The following PDS5B variants were observed in gnomAD, a reference collection of about 807,000 sequenced individuals.
PDS5B encodes PDS5 cohesin associated factor B.
Under a neutral mutation model 184.1 loss-of-function variants are expected in PDS5B, and 51 were observed. That is an observed-to-expected ratio of 0.28 (90% CI 0.22 to 0.35). PDS5B has a LOEUF of 0.35. Ranked by LOEUF, PDS5B falls within the 10% of genes least tolerant of loss-of-function variation. PDS5B has a pLI of 1.00. For missense variants in PDS5B, 1,180 were observed against 1,723.3 expected, an observed-to-expected ratio of 0.68 and a Z score of 5.58; for synonymous variants, 566 against 569.2, an observed-to-expected ratio of 0.99 and a Z score of 0.08.
At chr13:32,749,319 CTTTTA>C (rs770533165) in intron 24 of PDS5B, among the ~76,000 whole-genome samples, 7 of 152,158 alleles carry the variant, frequency 4.6e-5, no homozygotes, top group African/African-American at 9.7e-5. Context: ...TGCTCTGAGT[CTTTTA>C]TTTTATCTGC....
chr13:32,625,308 C>T (rs1593280834), intron 1 of PDS5B, among the ~76,000 whole-genome samples: 1 of 152,074 alleles, frequency 6.6e-6, no homozygotes, highest in African/African-American at 2.4e-5. Flanking sequence ...AACTCCTGGG[C>T]TCAAATGATC....
intron 19 of PDS5B, among the ~76,000 whole-genome samples, chr13:32,723,116 A>G (rs776115921): frequency 2.0e-5 from 3 of 152,248 alleles, no homozygotes; most frequent in African/African-American, 4.8e-5. Flanking sequence ...ATAGCCATAC[A>G]CTATACATAC....
At chr13:32,589,801 A>AGTTTAG (rs902632120) in intron 1 of PDS5B, among the ~76,000 whole-genome samples, 69 of 152,198 alleles carry the variant, frequency 4.5e-4, no homozygotes, top group African/African-American at 1.4e-3. Flanking sequence ...TTACTTTTTA[A>AGTTTAG]GAAGCTGCCA....
At chr13:32,700,448 A>G (rs35435218) in intron 16 of PDS5B, among the ~76,000 whole-genome samples, 83 of 152,262 alleles carry the variant, frequency 5.5e-4, no homozygotes, top group Non-Finnish European at 9.0e-4. Context: ...CCAAGTAAAA[A>G]CAAAGAAAAA....
chr13:32,679,913 G>GT (rs1951190531), intron 10 of PDS5B, among the ~76,000 whole-genome samples: 1 of 145,468 alleles, frequency 6.9e-6, no homozygotes, highest in Admixed American at 6.9e-5. Context: ...GTGTGTGTGT[G>GT]TGTCTGTTTC....
intron 1 of PDS5B, among the ~76,000 whole-genome samples, chr13:32,635,274 G>T (rs538568190): frequency 2.3e-5 from 3 of 131,894 alleles, no homozygotes; most frequent in African/African-American, 8.6e-5. Flanking sequence ...CTGCCCTCAA[G>T]TGACCCTCCT....
chr13:32,674,866 A>G lies in PDS5B; in HGVS notation c.847-978A>G, dbSNP rs553412934. Among the ~76,000 whole-genome samples, 53 of 152,068 alleles carry G rather than the reference A, an allele frequency of 3.5e-4. 1 individual carries two copies. In the South Asian group the frequency reaches 4.8e-3, roughly 14 times the overall value. On this transcript the variant is annotated intron_variant, in intron 8 of 34. Transcript: ENST00000315596. ...TCTTTGCTTGTTAAGCCTTAAAGAA[A>G]TAGCTGTCCAGGCACTGAACCAGAC...
chr13:32,631,927 A>G (rs1282777340), intron 1 of PDS5B, among the ~76,000 whole-genome samples: 4 of 152,226 alleles, frequency 2.6e-5, no homozygotes, highest in Non-Finnish European at 5.9e-5. Flanking sequence ...CAAAATTTCT[A>G]GAGGAGGAAC....
intron 1 of PDS5B, among the ~76,000 whole-genome samples, chr13:32,643,607 G>T (rs970284927): frequency 3.9e-5 from 6 of 151,990 alleles, no homozygotes; most frequent in Admixed American, 3.3e-4. Context: ...TACTGTATTT[G>T]TACTGTATCT....
intron 24 of PDS5B, among the ~76,000 whole-genome samples, chr13:32,749,413 T>G (rs1346437784): frequency 6.6e-6 from 1 of 152,228 alleles, no homozygotes; most frequent in Non-Finnish European, 1.5e-5. Flanking sequence ...AAATGCAGTA[T>G]TGTATCTGGG....
intron 11 of PDS5B, among the ~76,000 whole-genome samples, chr13:32,684,477 C>T (rs996508804): frequency 3.3e-5 from 5 of 152,162 alleles, no homozygotes; most frequent in Non-Finnish European, 7.4e-5. Flanking sequence ...AAGCTAAACC[C>T]GATAGAGCAC....
chr13:32,747,374 C>T (rs1394700828), intron 24 of PDS5B, among the ~76,000 whole-genome samples: 1 of 151,884 alleles, frequency 6.6e-6, no homozygotes, highest in Admixed American at 6.6e-5. Context: ...ATGTATAACT[C>T]TCTAGACACA....
At chr13:32,599,607 A>T (rs918226255) in intron 1 of PDS5B, among the ~76,000 whole-genome samples, 3 of 151,350 alleles carry the variant, frequency 2.0e-5, no homozygotes, top group Admixed American at 6.6e-5. Flanking sequence ...AATTTGGTAC[A>T]TTTTAGACCT....
At chr13:32,678,483 T>C (rs1951132505) in intron 9 of PDS5B, among the ~76,000 whole-genome samples, 2 of 152,206 alleles carry the variant, frequency 1.3e-5, no homozygotes, top group Non-Finnish European at 2.9e-5. Flanking sequence ...TTGAGATTTA[T>C]GATGTTTCTA....
At chr13:32,719,782 A>ACC (rs36113672) in intron 19 of PDS5B, among the ~76,000 whole-genome samples, 1,384 of 120,428 alleles carry the variant, frequency 0.011, 21 homozygotes, top group African/African-American at 0.039. Flanking sequence ...ATGTATAAAG[A>ACC]CCCCCCCCCC....
intron 6 of PDS5B, among the ~76,000 whole-genome samples, chr13:32,661,157 G>A (rs927035307): frequency 6.6e-6 from 1 of 152,004 alleles, no homozygotes; most frequent in Non-Finnish European, 1.5e-5. Flanking sequence ...ACCAAGGTGG[G>A]TGGATCACCT....
chr13:32,760,017 C>T (rs558099571), intron 29 of PDS5B, among the ~76,000 whole-genome samples: 4 of 151,896 alleles, frequency 2.6e-5, no homozygotes, highest in South Asian at 2.1e-4. Context: ...AGTGCAGTGG[C>T]GCATCTCGGC....
At chr13:32,763,208 C>T (rs1372983214) in intron 30 of PDS5B, among the ~76,000 whole-genome samples, 1 of 151,950 alleles carries the variant, frequency 6.6e-6, no homozygotes, top group Non-Finnish European at 1.5e-5. Context: ...CTTCGTAAAC[C>T]ATGGTAAGGA....
chr13:32,731,612 G>C (rs4057297), intron 19 of PDS5B, among the ~76,000 whole-genome samples: 1 of 151,730 alleles, frequency 6.6e-6, no homozygotes, highest in Non-Finnish European at 1.5e-5. Context: ...AAATATTGGA[G>C]CCTTTTAATA....
Sources: gnomAD v4.1 joint callset for allele counts (sites outside exome capture counted in the v4.1 genomes callset) on GRCh38, gnomAD v4.1.1 for gene constraint, MANE v1.5 for transcripts, NCBI Gene and HGNC (gene_info 2026-07-23, HGNC 2026-07-21) for gene names.